UBN1: variants seen among roughly 807,000 people sequenced by gnomAD.
The protein encoded by UBN1 is ubinuclein-1.
UBN1 carries 17 observed loss-of-function variants against 108.5 expected under a neutral mutation model. That is an observed-to-expected ratio of 0.16 (90% confidence interval 0.11 to 0.24). UBN1 has a LOEUF of 0.24. Among genes scored for constraint, UBN1 ranks in the 10% least tolerant of loss-of-function variants. The pLI, the probability that UBN1 is intolerant of heterozygous loss-of-function variation, is 1.00. For missense variants in UBN1, 1,595 were observed against 1,394.4 expected, an observed-to-expected ratio of 1.14 and a Z score of -2.29; for synonymous variants, 726 against 564.2, an observed-to-expected ratio of 1.29 and a Z score of -4.07.
chr16:4,870,553 A>G lies in UBN1; in HGVS notation c.1349A>G (p.Glu450Gly). Residue 450 changes from glutamate (E) to glycine (G), a missense_variant, in exon 10 of 18, where the codon GAA becomes GGA. By Grantham distance (98) the Glu-to-Gly change is moderately conservative (BLOSUM62 -2). This residue lies in a region of UBN1 where 1,398 missense variants were observed against 1,194.7 expected (regional missense o/e 1.17). Transcript: ENST00000262376. ...RLKEPLQKLK[E>G]AIGRAMPEQM... ...AAGGAGCCTCTCCAGAAGCTCAAGG[A>G]AGCCATTGGCAGGGCGATGCCAGAG... 6.2e-7 allele frequency: 1 copy of G among 1,614,256 alleles called. No individual in the cohort carries two copies. The highest frequency in any genetic ancestry group is 8.5e-7 in the Non-Finnish European group (1 of 1,180,044).
intron 7 of UBN1, among the ~76,000 whole-genome samples, chr16:4,867,948 C>A (rs2087419104): frequency 6.6e-6 from 1 of 152,186 alleles, no homozygotes; most frequent in African/African-American, 2.4e-5. Flanking sequence ...GAATGGTTCC[C>A]AGCCCTTTTT....
intron 1 of UBN1, among the ~76,000 whole-genome samples, chr16:4,850,728 T>C (rs1005484589): frequency 6.6e-6 from 1 of 152,236 alleles, no homozygotes; most frequent in Non-Finnish European, 1.5e-5. Context: ...GATTTTGTGA[T>C]CATAATTCGA....
At chr16:4,858,822 G>A (rs2086922852) in intron 4 of UBN1, 159 bp downstream of exon 4, 2 of 942,728 alleles carry the variant, frequency 2.1e-6, no homozygotes, top group African/African-American at 3.3e-5. Context: ...TCTTTATCCG[G>A]GTCTTAGTTC....
intron 12 of UBN1, 72 bp downstream of exon 12, chr16:4,871,373 A>G (rs2087621600): frequency 6.4e-7 from 1 of 1,553,918 alleles, no homozygotes; most frequent in Non-Finnish European, 8.7e-7. Flanking sequence ...GTGCCAGGCC[A>G]ACAGGATCCT....
rs969792705 is a variant in UBN1, at chr16:4,881,513, G to T, written c.*1381G>T. 6.6e-6 allele frequency: 1 copy of T among 152,124 alleles called. No homozygotes were observed. Among genetic ancestry groups the T allele is most frequent in the Non-Finnish European group, 1.5e-5 (1 of 68,052 alleles). The allele number at this position is 152,124 out of a possible 1,614,324, so 9.4% of individuals were successfully genotyped here. ...GTGATCAGGCACGTTGAGAGTATACGGTGTCCTCAGCACATACACCTGTGG... is the reference window on the plus strand; with the variant it reads ...GTGATCAGGCACGTTGAGAGTATACTGTGTCCTCAGCACATACACCTGTGG... On this transcript the variant is annotated 3_prime_UTR_variant, in exon 18 of 18. Transcript: ENST00000262376.
chr16:4,859,109 T>C lies in UBN1; in HGVS notation c.517T>C (p.Ser173Pro). 1 of 1,614,186 alleles carries C rather than the reference T, an allele frequency of 6.2e-7. No individual in the cohort carries two copies. The highest frequency in any genetic ancestry group is 8.5e-7 in the Non-Finnish European group (1 of 1,180,026). The change falls in exon 5 of 18, where the codon TCA becomes CCA. Residue 173 changes from serine to proline, a missense_variant. Ser to Pro is a moderately conservative substitution (Grantham distance 74, BLOSUM62 -1). This residue lies in a region of UBN1 where 1,398 missense variants were observed against 1,194.7 expected (regional missense o/e 1.17). Transcript: ENST00000262376. Reference protein sequence around the residue: ...NSGTLQFRQASESEDDFIKEK... With the variant: ...NSGTLQFRQAPESEDDFIKEK... Reference sequence around the variant, plus strand: ...GGGAACCCTGCAGTTTAGACAAGCATCAGAGTCTGAAGATGACTTCATTAA... The same window carrying C: ...GGGAACCCTGCAGTTTAGACAAGCACCAGAGTCTGAAGATGACTTCATTAA...
At chr16:4,854,915 G>A (rs1054076309) in intron 2 of UBN1, among the ~76,000 whole-genome samples, 8 of 151,626 alleles carry the variant, frequency 5.3e-5, no homozygotes, top group Non-Finnish European at 1.2e-4. Flanking sequence ...GTAGAGACAG[G>A]GTTCCACCGT....
rs2087816284 is a variant in UBN1, at chr16:4,875,085, T to C, written c.2675T>C (p.Val892Ala). 6.2e-7 allele frequency: 1 copy of C among 1,614,132 alleles called. No individual in the cohort carries two copies. The highest frequency in any genetic ancestry group is 2.2e-5 in the East Asian group (1 of 44,894). ...AGCCATCCAGCAAAGCCACATTCAG[T>C]CAGCTCTGCAGGCTCATCTTACAAG... ...ALSHPAKPHS[V>A]SSAGSSYKNN... Residue 892 changes from valine to alanine, a missense_variant, in exon 15 of 18, where the codon GTC becomes GCC. By Grantham distance (64) the Val-to-Ala change is moderately conservative. Coordinates refer to ENST00000262376, the MANE Select transcript of UBN1 (RefSeq NM_001079514.3).
rs781673643 is a variant in UBN1 at position 4,861,101 on chromosome 16, A to G, written c.1109A>G (p.Gln370Arg). The G allele has an allele frequency of 6.2e-7, 1 of 1,611,644 alleles. No individual in the cohort carries two copies. The highest frequency in any genetic ancestry group is 8.5e-7 in the Non-Finnish European group (1 of 1,179,040). ...PLEKRVKELA[Q>R]AARAAEGESR... ...GAGAAGCGCGTTAAGGAGCTGGCTC[A>G]GGTATGGTGGCACAGTGCGGCTGGG... Residue 370 changes from glutamine to arginine, a missense_variant and splice_region_variant, in exon 7 of 18, where the codon CAG (glutamine) becomes CGG (arginine). Coordinates refer to ENST00000262376, the MANE Select transcript of UBN1 (RefSeq NM_001079514.3).
intron 1 of UBN1, among the ~76,000 whole-genome samples, chr16:4,849,208 A>G (rs1041380393): frequency 6.6e-5 from 10 of 152,246 alleles, no homozygotes; most frequent in Admixed American, 3.9e-4. Context: ...CCACTATTAG[A>G]TAATAAGAAT....
In UBN1 at chr16:4,857,976, C is replaced by T. The variant is rs200953444; in HGVS notation, c.250-14C>T. Reference sequence around the variant, plus strand: ...ATTTTCTGACTTATTTTTTGTGGAACGATCTCTTTACAGAAGAAAGATCTG... The same window carrying T: ...ATTTTCTGACTTATTTTTTGTGGAATGATCTCTTTACAGAAGAAAGATCTG... On this transcript the variant is annotated splice_polypyrimidine_tract_variant and intron_variant, in intron 2 of 17. Coordinates refer to ENST00000262376, the MANE Select transcript of UBN1 (RefSeq NM_001079514.3). 13 of 1,586,528 alleles carry T rather than the reference C, an allele frequency of 8.2e-6. No individual in the cohort carries two copies. In the South Asian group the frequency reaches 1.1e-4, roughly 14 times the overall value.
intron 1 of UBN1, among the ~76,000 whole-genome samples, chr16:4,848,723 A>G (rs542093412): frequency 9.9e-5 from 15 of 152,258 alleles, no homozygotes; most frequent in Non-Finnish European, 2.2e-4. Flanking sequence ...CCAGGGAATA[A>G]TTTGATAAAA....
Position 4,875,089 on chromosome 16 carries a change from C to G in UBN1, c.2679C>G (p.Ser893Arg). Residue 893 changes from serine (S) to arginine (R), a missense_variant, in exon 15 of 18, where the codon AGC (serine) becomes AGG (arginine). Around this residue, in one of 3 missense-constraint regions of UBN1, gnomAD observed 1,398 missense variants for 1,194.7 expected, o/e 1.17. Coordinates refer to ENST00000262376, the MANE Select transcript of UBN1 (RefSeq NM_001079514.3). ...ATCCAGCAAAGCCACATTCAGTCAG[C>G]TCTGCAGGCTCATCTTACAAGAATA... ...LSHPAKPHSV[S>R]SAGSSYKNNP... 6.2e-7 allele frequency: 1 copy of G among 1,614,130 alleles called. No homozygotes were observed. The highest frequency in any genetic ancestry group is 8.5e-7 in the Non-Finnish European group (1 of 1,180,052).
intron 7 of UBN1, 73 bp from the exon 8 acceptor site, chr16:4,868,760 T>C (rs1220438942): frequency 6.8e-7 from 1 of 1,480,748 alleles, no homozygotes; most frequent in African/African-American, 1.4e-5. Context: ...CGATGACTCC[T>C]GTGCCTGTGG....
Position 4,870,230 on chromosome 16 carries a change from G to A in UBN1, c.1200G>A (p.Arg400=). Residue 400 remains arginine (R), a synonymous_variant, in exon 9 of 18, where the codon CGG becomes CGA. Transcript: ENST00000262376. ...TCTTCAGCATAGAGGCGCAGACTCG[G>A]GAGCTGAGCAGTCAGGTCCGCTCTG... ...GILLDIEAQT[R]ELSSQVRSGV... 1.9e-6 allele frequency: 3 copies of A among 1,614,256 alleles called. 1 individual carries two copies. The highest frequency in any genetic ancestry group is 3.3e-4 in the Middle Eastern group (2 of 6,062).
chr16:4,868,717 G>A (rs1596507357), intron 7 of UBN1, 116 bp from the exon 8 acceptor site: 2 of 909,994 alleles, frequency 2.2e-6, no homozygotes, highest in Non-Finnish European at 3.4e-6. Flanking sequence ...AAAGGTGGCG[G>A]TGTGACTGTA....
chr16:4,870,216 G>A lies in UBN1; in HGVS notation c.1186G>A (p.Glu396Lys), dbSNP rs1295826154. Residue 396 changes from glutamate to lysine, a missense_variant, in exon 9 of 18, where the codon GAG (glutamate) becomes AAG (lysine). Around this residue, in one of 3 missense-constraint regions of UBN1, gnomAD observed 1,398 missense variants for 1,194.7 expected, o/e 1.17. Coordinates refer to ENST00000262376, the MANE Select transcript of UBN1 (RefSeq NM_001079514.3). ...QDINGILLDI[E>K]AQTRELSSQV... ...TGACTGTGTTTTGTTCTTCAGCATAGAGGCGCAGACTCGGGAGCTGAGCAG... is the reference window on the plus strand; with the variant it reads ...TGACTGTGTTTTGTTCTTCAGCATAAAGGCGCAGACTCGGGAGCTGAGCAG... 6.2e-7 allele frequency: 1 copy of A among 1,614,124 alleles called. No individual in the cohort carries two copies. The highest frequency in any genetic ancestry group is 1.3e-5 in the African/African-American group (1 of 74,950).
chr16:4,864,537 A>T (rs2087228345), intron 7 of UBN1, among the ~76,000 whole-genome samples: 1 of 152,096 alleles, frequency 6.6e-6, no homozygotes, highest in South Asian at 2.1e-4. Context: ...GAATCCAGTG[A>T]TTTGATGGCC....
chr16:4,861,586 G>T (rs2087066646), intron 7 of UBN1, among the ~76,000 whole-genome samples: 1 of 152,218 alleles, frequency 6.6e-6, no homozygotes, highest in African/African-American at 2.4e-5. Context: ...GTGATTACAG[G>T]AATGCCTCAA....
Sources: gnomAD v4.1 joint callset for allele counts (sites outside exome capture counted in the v4.1 genomes callset) on GRCh38, gnomAD v4.1.1 for gene constraint, gnomAD v4.1.1 regional missense constraint, MANE v1.5 for transcripts, NCBI Gene and HGNC (gene_info 2026-07-23, HGNC 2026-07-21) for gene names.